Variants in APOLD1 observed in about 807,000 individuals in gnomAD.
APOLD1 encodes apolipoprotein L domain containing 1.
APOLD1 carries 22 observed loss-of-function variants against 15.3 expected under a neutral mutation model. The observed-to-expected ratio is 1.44, with a 90% CI of 1.03 to 2.05. APOLD1 has a LOEUF of 2.05. APOLD1 is among the 30% of genes most tolerant of loss of function. The pLI, the probability that APOLD1 is intolerant of heterozygous loss-of-function variation, is 0.00. For missense variants in APOLD1, 394 were observed against 353.5 expected (o/e 1.11, Z -0.92); for synonymous variants, 190 against 167.4 (o/e 1.13, Z -1.04).
upstream of APOLD1, among the ~76,000 whole-genome samples, chr12:12,782,818 AT>A (rs996499593): frequency 1.3e-5 from 2 of 152,036 alleles, no homozygotes; most frequent in Middle Eastern, 6.8e-3. Flanking sequence ...TGGTCCACAG[AT>A]TTTTTTTTGT....
At chr12:12,762,163 T>C (rs142729464) in intron 1 of APOLD1, among the ~76,000 whole-genome samples, 3 of 152,076 alleles carry the variant, frequency 2.0e-5, no homozygotes, top group African/African-American at 7.2e-5. Flanking sequence ...TGGAAAGTGA[T>C]GCCCATTCCT....
intron 1 of APOLD1, among the ~76,000 whole-genome samples, chr12:12,773,198 G>A (rs1394999049): frequency 6.6e-6 from 1 of 152,166 alleles, no homozygotes; most frequent in African/African-American, 2.4e-5. Context: ...AAAGAAGAAA[G>A]ATCTAAAAAT....
At chr12:12,731,004 G>A (rs1352302941) in intron 1 of APOLD1, among the ~76,000 whole-genome samples, 3 of 152,030 alleles carry the variant, frequency 2.0e-5, no homozygotes, top group Admixed American at 6.6e-5. Context: ...AGCCGGGCGT[G>A]GTGGCGGGCG....
At chr12:12,768,371 G>A (rs1036750142) in intron 1 of APOLD1, among the ~76,000 whole-genome samples, 17 of 152,120 alleles carry the variant, frequency 1.1e-4, no homozygotes, top group Non-Finnish European at 5.9e-5. Flanking sequence ...AGTGGCTCAT[G>A]CCTGTAATCC....
At chr12:12,781,529 T>TTTC (rs1440812738), upstream of APOLD1, among the ~76,000 whole-genome samples, 19 of 148,896 alleles carry the variant, frequency 1.3e-4, no homozygotes, top group African/African-American at 4.4e-4. Flanking sequence ...ACTTTATCTT[T>TTTC]TTTTTTTTTT....
At chr12:12,731,826 C>T (rs1946643609) in intron 1 of APOLD1, among the ~76,000 whole-genome samples, 1 of 152,176 alleles carries the variant, frequency 6.6e-6, no homozygotes, top group Admixed American at 6.5e-5. Context: ...GATATTTTTC[C>T]AGCTTCATTG....
intron 1 of APOLD1, among the ~76,000 whole-genome samples, chr12:12,773,908 G>A (rs1393547152): frequency 6.6e-6 from 1 of 152,112 alleles, no homozygotes; most frequent in African/African-American, 2.4e-5. Context: ...AATGAGTCTA[G>A]ACACAGATCT....
chr12:12,768,428 T>C (rs1344879843), intron 1 of APOLD1, among the ~76,000 whole-genome samples: 2 of 151,378 alleles, frequency 1.3e-5, no homozygotes, highest in East Asian at 3.9e-4. Context: ...AGTCCAGGAG[T>C]TCGAGACCAG....
chr12:12,741,502 T>C (rs1946729201), intron 1 of APOLD1, among the ~76,000 whole-genome samples: 2 of 152,192 alleles, frequency 1.3e-5, no homozygotes, highest in African/African-American at 4.8e-5. Context: ...GCATGAGCCA[T>C]TGTGCCCGGC....
chr12:12,749,467 C>CA (rs1246335941), intron 1 of APOLD1, among the ~76,000 whole-genome samples: 1 of 152,194 alleles, frequency 6.6e-6, no homozygotes, highest in Non-Finnish European at 1.5e-5. Flanking sequence ...AGCAGATGGG[C>CA]AATTGGCTGT....
chr12:12,726,595 T>A (rs1946595393), intron 1 of APOLD1, among the ~76,000 whole-genome samples: 1 of 152,232 alleles, frequency 6.6e-6, no homozygotes, highest in Admixed American at 6.5e-5. Context: ...ACACACCTTT[T>A]TCTTTTTGTC....
At chr12:12,729,575 G>A (rs563672396) in intron 1 of APOLD1, among the ~76,000 whole-genome samples, 2 of 152,070 alleles carry the variant, frequency 1.3e-5, no homozygotes, top group South Asian at 2.1e-4. Flanking sequence ...GAGCTCTTGC[G>A]GCCAGGATTT....
intron 1 of APOLD1, among the ~76,000 whole-genome samples, chr12:12,740,000 G>C (rs1247170528): frequency 7.3e-6 from 1 of 136,182 alleles, no homozygotes; most frequent in African/African-American, 2.8e-5. Flanking sequence ...TTTTTTTTTT[G>C]GGATGGAGAC....
upstream of APOLD1, among the ~76,000 whole-genome samples, chr12:12,783,626 T>C (rs1403861280): frequency 1.5e-5 from 2 of 136,222 alleles, no homozygotes; most frequent in African/African-American, 5.5e-5. Flanking sequence ...GTTGGTTTTT[T>C]TTTGTTTTTT....
At chr12:12,780,045 C>G (rs1031500357) in intron 1 of APOLD1, among the ~76,000 whole-genome samples, 2 of 151,646 alleles carry the variant, frequency 1.3e-5, no homozygotes, top group Non-Finnish European at 2.9e-5. Flanking sequence ...CTGTATAGTC[C>G]AAGAGAAAAT....
chr12:12,730,059 TGTGTGTGTGTGTGTGTGTGAGAGAGA>T (rs1280504645), intron 1 of APOLD1, among the ~76,000 whole-genome samples: 46 of 106,502 alleles, frequency 4.3e-4, no homozygotes, highest in African/African-American at 1.8e-3. Context: ...TGTGTGTGTG[TGTGTGTGTGTGTGTGTGTGAGAGAGA>T]GAGAGAGAGA....
intron 1 of APOLD1, among the ~76,000 whole-genome samples, chr12:12,777,626 A>G (rs1947046175): frequency 6.6e-6 from 1 of 151,870 alleles, no homozygotes; most frequent in African/African-American, 2.4e-5. Context: ...AAAAAATCTG[A>G]AATCCGAAAT....
At chr12:12,765,602 G>A (rs1770797444) in intron 1 of APOLD1, among the ~76,000 whole-genome samples, 1 of 152,162 alleles carries the variant, frequency 6.6e-6, no homozygotes, top group African/African-American at 2.4e-5. Flanking sequence ...TGGGCATGGT[G>A]GCTCAGGCCT....
At chr12:12,757,380 C>T (rs964638763) in intron 1 of APOLD1, among the ~76,000 whole-genome samples, 2 of 152,168 alleles carry the variant, frequency 1.3e-5, no homozygotes, top group African/African-American at 4.8e-5. Context: ...GCTAACCCCG[C>T]ATGACAGCTG....
Sources: gnomAD v4.1 joint callset for allele counts (sites outside exome capture counted in the v4.1 genomes callset) on GRCh38, gnomAD v4.1.1 for gene constraint, MANE v1.5 for transcripts, NCBI Gene and HGNC (gene_info 2026-07-23, HGNC 2026-07-21) for gene names.